The following METTL15 variants were observed in gnomAD, a reference collection of about 807,000 sequenced individuals.
METTL15 encodes the protein methyltransferase 15, mitochondrial 12S rRNA N4-cytidine, also known as 12S rRNA N(4)-cytidine methyltransferase METTL15.
METTL15 carries 34 observed loss-of-function variants against 38.3 expected under a neutral mutation model. The observed-to-expected ratio is 0.89, with a 90% CI of 0.68 to 1.18. The LOEUF (loss-of-function observed/expected upper bound fraction) is 1.18, where lower values mean the gene tolerates loss of function less well. Among genes scored for constraint, METTL15 ranks in the 50% most tolerant of loss-of-function variants. The pLI is 0.00. For synonymous variants in METTL15, 162 were observed against 170.9 expected (o/e 0.95, Z 0.41); for missense variants, 438 against 498.4 (o/e 0.88, Z 1.15).
intron 5 of METTL15, among the ~76,000 whole-genome samples, chr11:28,386,419 G>T (rs189395504): frequency 4.0e-3 from 607 of 151,630 alleles, no homozygotes; most frequent in Non-Finnish European, 5.8e-3. Flanking sequence ...AGAGAACAGG[G>T]TTGATCATAC....
intron 3 of METTL15, among the ~76,000 whole-genome samples, chr11:28,207,379 G>T (rs1852395962): frequency 6.6e-6 from 1 of 152,064 alleles, no homozygotes; most frequent in Admixed American, 6.5e-5. Context: ...TGTGGTTTTT[G>T]TCTTTGGTTC....
chr11:28,170,893 C>A (rs1162198163), intron 3 of METTL15, among the ~76,000 whole-genome samples: 2 of 152,134 alleles, frequency 1.3e-5, no homozygotes, highest in Non-Finnish European at 1.5e-5. Context: ...CTGTGACTTA[C>A]AATGCCTAAC....
At chr11:28,297,125 G>T (rs1049869760) in intron 6 of METTL15, among the ~76,000 whole-genome samples, 194 bp downstream of exon 6, 1 of 151,764 alleles carries the variant, frequency 6.6e-6, no homozygotes, top group African/African-American at 2.4e-5. Context: ...TTTTGCTTTT[G>T]CATGCTTCTC....
At chr11:28,504,302 A>G (rs1175230466) in intron 6 of METTL15, among the ~76,000 whole-genome samples, 1 of 152,156 alleles carries the variant, frequency 6.6e-6, no homozygotes, top group Non-Finnish European at 1.5e-5. Context: ...CATGTTGAAC[A>G]TACTACAACT....
At chr11:28,348,849 T>C (rs1301538877) in intron 3 of METTL15, among the ~76,000 whole-genome samples, 1 of 152,220 alleles carries the variant, frequency 6.6e-6, no homozygotes, top group Non-Finnish European at 1.5e-5. Flanking sequence ...AGCTTACTTC[T>C]GTGTTCTTTT....
chr11:28,396,838 CT>C (rs1462658171), intron 5 of METTL15, among the ~76,000 whole-genome samples: 5 of 152,184 alleles, frequency 3.3e-5, no homozygotes, highest in African/African-American at 1.2e-4. Context: ...TGACTTCAAA[CT>C]ATACTACAAG....
intron 6 of METTL15, among the ~76,000 whole-genome samples, chr11:28,309,324 T>G (rs531358231): frequency 1.3e-5 from 2 of 152,282 alleles, no homozygotes; most frequent in African/African-American, 4.8e-5. Flanking sequence ...AACCTCCTCT[T>G]TAAACTGTTC....
chr11:28,163,979 G>A (rs935807878), intron 3 of METTL15: 1 of 151,866 alleles, frequency 6.6e-6, no homozygotes, highest in South Asian at 2.1e-4. Flanking sequence ...TAATTAATGG[G>A]ATTACATTTA....
intron 3 of METTL15, among the ~76,000 whole-genome samples, chr11:28,117,211 A>G (rs1851999858): frequency 6.7e-6 from 1 of 149,218 alleles, no homozygotes; most frequent in Non-Finnish European, 1.5e-5. Flanking sequence ...GTATATATAC[A>G]TACATATATA....
intron 5 of METTL15, among the ~76,000 whole-genome samples, chr11:28,408,653 A>T (rs1850697597): frequency 6.6e-6 from 1 of 152,228 alleles, no homozygotes; most frequent in Non-Finnish European, 1.5e-5. Flanking sequence ...TTTTTCAAAG[A>T]CTACTTAATG....
At chr11:28,263,225 A>G (rs533040473) in intron 4 of METTL15, among the ~76,000 whole-genome samples, 3 of 152,124 alleles carry the variant, frequency 2.0e-5, no homozygotes, top group South Asian at 4.2e-4. Context: ...AATGTCATTG[A>G]TTCATTTTAC....
intron 4 of METTL15, among the ~76,000 whole-genome samples, chr11:28,212,411 T>C (rs926497591): frequency 1.1e-4 from 17 of 152,166 alleles, no homozygotes; most frequent in African/African-American, 4.1e-4. Flanking sequence ...GATGTTTTAT[T>C]AGAGCATTCA....
At chr11:28,336,405 A>G (rs1849901407), downstream of METTL15, among the ~76,000 whole-genome samples, 1 of 152,178 alleles carries the variant, frequency 6.6e-6, no homozygotes, top group African/African-American at 2.4e-5. Context: ...GGAAAAGGAA[A>G]TGAGTAATTT....
chr11:28,429,448 G>T (rs1403696690), intron 6 of METTL15, among the ~76,000 whole-genome samples: 1 of 116,048 alleles, frequency 8.6e-6, no homozygotes, highest in Admixed American at 1.0e-4. Context: ...CTGCCATCTC[G>T]GCTCACTGCA....
chr11:28,396,005 G>A (rs1850564210), intron 5 of METTL15, among the ~76,000 whole-genome samples: 1 of 152,008 alleles, frequency 6.6e-6, no homozygotes, highest in South Asian at 2.1e-4. Flanking sequence ...CCACATGGTT[G>A]TCTCAATAGA....
At chr11:28,270,745 A>C (rs1166702686) in intron 4 of METTL15, among the ~76,000 whole-genome samples, 5 of 152,194 alleles carry the variant, frequency 3.3e-5, no homozygotes, top group Non-Finnish European at 1.5e-5. Context: ...AATGGTAGCT[A>C]TCAGTCATTT....
Position 28,295,545 on chromosome 11 carries a change from G to A in METTL15, c.600-1208G>A, listed in dbSNP as rs144779562. Among the ~76,000 whole-genome samples, 22 of 151,978 alleles carry A rather than the reference G, an allele frequency of 1.4e-4. No individual in the cohort carries two copies. In the East Asian group the frequency reaches 4.3e-3, roughly 29 times the overall value. On this transcript the variant is annotated intron_variant, in intron 5 of 6. Coordinates refer to ENST00000407364, the MANE Select transcript of METTL15 (RefSeq NM_001113528.2). The stretch of plus-strand genomic sequence containing the variant: ...GAACCCTGGAGGTGGAGGTTGCAAT[G>A]AGCTGAGATTTGCCTTTGTACTCCA...
chr11:28,213,290 G>T (rs1462048263), intron 4 of METTL15, among the ~76,000 whole-genome samples: 1 of 151,882 alleles, frequency 6.6e-6, no homozygotes, highest in Non-Finnish European at 1.5e-5. Flanking sequence ...AACAAAAAAA[G>T]AAGAAAAAAA....
intron 6 of METTL15, among the ~76,000 whole-genome samples, chr11:28,311,766 G>T (rs1034877096): frequency 3.3e-5 from 5 of 152,242 alleles, no homozygotes; most frequent in African/African-American, 1.2e-4. Flanking sequence ...CTAGAGATAT[G>T]TTTATTTTTA....
Sources: gnomAD v4.1 joint callset for allele counts (sites outside exome capture counted in the v4.1 genomes callset) on GRCh38, gnomAD v4.1.1 for gene constraint, MANE v1.5 for transcripts, NCBI Gene and HGNC (gene_info 2026-07-23, HGNC 2026-07-21) for gene names.